The following ELP1 variants were observed in gnomAD, a reference collection of about 807,000 sequenced individuals.
ELP1 encodes elongator acetyltransferase complex subunit 1.
ELP1 carries 131 observed loss-of-function variants against 183.2 expected under a neutral mutation model. The ratio of observed to expected loss-of-function variants is 0.72; its 90% CI spans 0.62 to 0.83. The LOEUF is 0.83. Ranked by LOEUF, ELP1 falls within the 40% of genes least tolerant of loss-of-function variation. ELP1 has a pLI of 0.00. For synonymous variants in ELP1, 555 were observed against 569.0 expected (o/e 0.98, Z 0.35); for missense variants, 1,550 against 1,594.9 (o/e 0.97, Z 0.48).
chr9:108,889,263 T>A, intron 29 of ELP1, 69 bp downstream of exon 29: 1 of 1,343,978 alleles, frequency 7.4e-7, no homozygotes, highest in South Asian at 1.2e-5. Flanking sequence ...ACTTTCATGA[T>A]CACTAAGATA....
chr9:108,871,904 A>T (rs1827472978), intron 36 of ELP1, among the ~76,000 whole-genome samples: 1 of 152,248 alleles, frequency 6.6e-6, no homozygotes, highest in Non-Finnish European at 1.5e-5. Context: ...CTGCAGTGAC[A>T]GCTTCATAAA....
chr9:108,930,309 C>T (rs1829957321), intron 2 of ELP1, among the ~76,000 whole-genome samples: 1 of 152,156 alleles, frequency 6.6e-6, no homozygotes, highest in Non-Finnish European at 1.5e-5. Context: ...AAAACCAACC[C>T]ACAGAGGTTT....
At chr9:108,886,143 A>T (rs898508140) in intron 29 of ELP1, among the ~76,000 whole-genome samples, 1 of 152,212 alleles carries the variant, frequency 6.6e-6, no homozygotes, top group Non-Finnish European at 1.5e-5. Flanking sequence ...CAGTACGCCA[A>T]GTCTGGTGTA....
At chr9:108,886,900 T>TA (rs34080947) in intron 29 of ELP1, among the ~76,000 whole-genome samples, 243 of 136,096 alleles carry the variant, frequency 1.8e-3, no homozygotes, top group Middle Eastern at 7.7e-3. Flanking sequence ...TAGAGAGCAT[T>TA]AAAAAAAAAA....
At chr9:108,897,915 G>GA (rs879641164) in intron 22 of ELP1, among the ~76,000 whole-genome samples, 21 of 152,088 alleles carry the variant, frequency 1.4e-4, no homozygotes, top group Non-Finnish European at 2.8e-4. Context: ...AATATGACCT[G>GA]AAAAAACACA....
intron 6 of ELP1, among the ~76,000 whole-genome samples, chr9:108,920,103 G>A (rs1281365743): frequency 6.6e-6 from 1 of 152,090 alleles, no homozygotes; most frequent in Non-Finnish European, 1.5e-5. Flanking sequence ...GCCTGAAATA[G>A]GCATTATATG....
chr9:108,916,584 G>A lies in ELP1; in HGVS notation c.865-287C>T, dbSNP rs1463124294. 2.0e-5 allele frequency among the ~76,000 whole-genome samples: 3 copies of A among 152,036 alleles called. No homozygotes were observed. The East Asian group carries it at 5.8e-4, about 29-fold the overall frequency. On this transcript the variant is annotated intron_variant, in intron 9 of 36. Transcript: ENST00000374647. ...TAGACAATCAGAGAAACTGGAATAT[G>A]GACTGGGTGTTAGACAACACAGAGA...
At chr9:108,874,783 T>C in intron 36 of ELP1, 112 bp downstream of exon 36, 1 of 776,120 alleles carries the variant, frequency 1.3e-6, no homozygotes, top group Admixed American at 1.8e-5. Flanking sequence ...GTCAATTTTT[T>C]GTAGTGAAAA....
At chr9:108,927,152 G>A (rs1314063196) in intron 4 of ELP1, among the ~76,000 whole-genome samples, 2 of 151,918 alleles carry the variant, frequency 1.3e-5, no homozygotes, top group African/African-American at 4.8e-5. Flanking sequence ...TATAATGATA[G>A]ACTAAGAGGC....
Position 108,891,093 on chromosome 9 carries a change from A to G in ELP1, c.3160+110T>C, listed in dbSNP as rs112767853. The G allele has an allele frequency of 6.2e-4, 652 of 1,044,338 alleles. 3 individuals are homozygous for G. The African/African-American group carries it at 8.8e-3, about 14-fold the overall frequency. 64.7% of individuals were successfully genotyped at this position (1,044,338 alleles called of 1,614,324 possible). A position where few individuals can be genotyped will look rare whatever the true frequency, so the allele number is the denominator to read the frequency against. On this transcript the variant is annotated intron_variant, in intron 28 of 36. Transcript: ENST00000374647. ...TAAATTAATTTTTATCAGTGAGAACAAGACTGTCTCAGAGTATTCTGCCCT... is the reference window on the plus strand; with the variant it reads ...TAAATTAATTTTTATCAGTGAGAACGAGACTGTCTCAGAGTATTCTGCCCT...
intron 1 of ELP1, 42 bp from the exon 2 acceptor site, chr9:108,931,243 A>G (rs1829996030): frequency 8.3e-7 from 1 of 1,204,280 alleles, no homozygotes; most frequent in African/African-American, 1.5e-5. Context: ...AAATGACCAT[A>G]TTTATTTAAA....
intron 2 of ELP1, 96 bp from the exon 3 acceptor site, chr9:108,930,017 C>T (rs1255199078): frequency 1.6e-5 from 21 of 1,351,262 alleles, no homozygotes; most frequent in Non-Finnish European, 2.1e-5. Context: ...TCTTTTATTA[C>T]ATAAAAGCTT....
chr9:108,876,039 G>C (rs893096421), intron 35 of ELP1, among the ~76,000 whole-genome samples: 1 of 152,170 alleles, frequency 6.6e-6, no homozygotes, highest in African/African-American at 2.4e-5. Context: ...TTGGAGAGGT[G>C]AGGTGGGCAG....
intron 16 of ELP1, among the ~76,000 whole-genome samples, chr9:108,902,635 T>C (rs915683352): frequency 1.3e-5 from 2 of 152,248 alleles, no homozygotes; most frequent in Non-Finnish European, 2.9e-5. Context: ...TCATTTAGTC[T>C]TCTGAACCCT....
intron 29 of ELP1, among the ~76,000 whole-genome samples, chr9:108,885,982 C>T (rs4978755): frequency 0.18 from 27,351 of 152,052 alleles, 3,198 homozygotes; most frequent in African/African-American, 0.33. Context: ...GGCAGAGGTG[C>T]CTGAAGAAGA....
At chr9:108,890,483 G>A (rs1038494160) in intron 28 of ELP1, among the ~76,000 whole-genome samples, 3 of 152,046 alleles carry the variant, frequency 2.0e-5, no homozygotes, top group Non-Finnish European at 4.4e-5. Context: ...AAATATACCA[G>A]TCATTGCTTT....
In ELP1 at chr9:108,906,493, A is replaced by G; in HGVS notation, c.1461-8T>C. On this transcript the variant is annotated splice_polypyrimidine_tract_variant and splice_region_variant and intron_variant, in intron 13 of 36. Transcript: ENST00000374647. ...TTATTCTCAAACTGGATTCTATTGT[A>G]AATATTGAAGAATATCCAAGACATG... The G allele has an allele frequency of 6.2e-7, 1 of 1,610,954 alleles. No individual in the cohort carries two copies. Among genetic ancestry groups the G allele is most frequent in the Non-Finnish European group, 8.5e-7 (1 of 1,177,156 alleles).
chr9:108,893,476 C>T (rs1161886471), intron 26 of ELP1, among the ~76,000 whole-genome samples: 3 of 152,154 alleles, frequency 2.0e-5, no homozygotes, highest in Admixed American at 2.0e-4. Context: ...CTTCCTTTCC[C>T]CCATCAGTCC....
chr9:108,889,519 A>T (rs41278355), intron 28 of ELP1, 126 bp from the exon 29 acceptor site: 1 of 841,356 alleles, frequency 1.2e-6, no homozygotes, highest in Non-Finnish European at 2.0e-6. Context: ...GGGAATAGGT[A>T]TATACACCAC....
Sources: gnomAD v4.1 joint callset for allele counts (sites outside exome capture counted in the v4.1 genomes callset) on GRCh38, gnomAD v4.1.1 for gene constraint, MANE v1.5 for transcripts, NCBI Gene and HGNC (gene_info 2026-07-23, HGNC 2026-07-21) for gene names.